Variants in CNTNAP2 observed in about 807,000 individuals in gnomAD.
The protein encoded by CNTNAP2 is contactin associated protein 2.
Under a neutral mutation model 155.2 loss-of-function variants are expected in CNTNAP2, and 98 were observed. That is an observed-to-expected ratio of 0.63 (90% CI 0.54 to 0.75). The LOEUF (loss-of-function observed/expected upper bound fraction) is 0.75. Among genes scored for constraint, CNTNAP2 ranks in the 30% least tolerant of loss-of-function variants. The pLI is 0.00. For synonymous variants in CNTNAP2, 651 were observed against 631.2 expected, an observed-to-expected ratio of 1.03 and a Z score of -0.47; for missense variants, 1,727 against 1,688.1, an observed-to-expected ratio of 1.02 and a Z score of -0.40.
At chr7:147,572,417 T>C (rs2190001) in intron 12 of CNTNAP2, among the ~76,000 whole-genome samples, 68,175 of 151,972 alleles carry the variant, frequency 0.45, 15,489 homozygotes, top group East Asian at 0.61. Flanking sequence ...GCTTTAGGTA[T>C]ATCACAGGTC....
At chr7:147,938,350 G>T (rs1302366492) in intron 14 of CNTNAP2, among the ~76,000 whole-genome samples, 1 of 151,884 alleles carries the variant, frequency 6.6e-6, no homozygotes, top group Non-Finnish European at 1.5e-5. Flanking sequence ...AGGACCAATT[G>T]GATGGATTAT....
intron 16 of CNTNAP2, among the ~76,000 whole-genome samples, chr7:148,138,204 T>A (rs1005430099): frequency 9.2e-5 from 14 of 152,196 alleles, no homozygotes; most frequent in Non-Finnish European, 1.8e-4. Context: ...TCCTCAGAGT[T>A]CATCTTTGGC....
At chr7:147,782,022 A>AT (rs1797669002) in intron 13 of CNTNAP2, among the ~76,000 whole-genome samples, 1 of 49,140 alleles carries the variant, frequency 2.0e-5, no homozygotes, top group South Asian at 7.1e-4. Flanking sequence ...GATTCCGTTT[A>AT]AAAAAAAAAA....
chr7:147,438,139 C>T (rs1797582377), intron 10 of CNTNAP2, among the ~76,000 whole-genome samples: 4 of 152,080 alleles, frequency 2.6e-5, no homozygotes, highest in Admixed American at 2.6e-4. Context: ...CTAGGACTTC[C>T]ATTACTACAT....
chr7:147,886,185 G>A (rs925214469), intron 13 of CNTNAP2, among the ~76,000 whole-genome samples: 8 of 152,042 alleles, frequency 5.3e-5, no homozygotes, highest in Admixed American at 1.3e-4. Context: ...TTAAAGATGC[G>A]GTTCTGGCTG....
chr7:148,030,022 C>A (rs1165742494), intron 15 of CNTNAP2, among the ~76,000 whole-genome samples: 1 of 152,210 alleles, frequency 6.6e-6, no homozygotes, highest in Non-Finnish European at 1.5e-5. Flanking sequence ...AGAGGACAGA[C>A]ACTCAGTGAA....
chr7:148,335,215 G>C (rs1317494701), intron 21 of CNTNAP2, among the ~76,000 whole-genome samples: 1 of 152,174 alleles, frequency 6.6e-6, no homozygotes, highest in Non-Finnish European at 1.5e-5. Flanking sequence ...GCAAAGAGAG[G>C]CCAACCCACT....
intron 1 of CNTNAP2, among the ~76,000 whole-genome samples, chr7:146,296,478 G>T (rs1406709793): frequency 6.6e-6 from 1 of 152,076 alleles, no homozygotes; most frequent in Non-Finnish European, 1.5e-5. Flanking sequence ...CAGACATATG[G>T]TTACAAAAGC....
At chr7:146,210,223 G>A (rs961488903) in intron 1 of CNTNAP2, among the ~76,000 whole-genome samples, 1 of 152,034 alleles carries the variant, frequency 6.6e-6, no homozygotes, top group Non-Finnish European at 1.5e-5. Flanking sequence ...CCTTTGTTTG[G>A]TTACCTAAAC....
chr7:147,802,460 G>C (rs377127034), intron 13 of CNTNAP2, among the ~76,000 whole-genome samples: 15 of 152,116 alleles, frequency 9.9e-5, no homozygotes, highest in Middle Eastern at 3.4e-3. Flanking sequence ...GCCGAGATCA[G>C]GCCACTGCAC....
intron 14 of CNTNAP2, among the ~76,000 whole-genome samples, chr7:147,975,091 G>A (rs1801405659): frequency 6.7e-6 from 1 of 150,208 alleles, no homozygotes; most frequent in Admixed American, 6.6e-5. Flanking sequence ...ACAATTTTTT[G>A]TATTACGTAT....
chr7:146,952,085 G>A (rs1005238226), intron 3 of CNTNAP2, among the ~76,000 whole-genome samples: 36 of 152,044 alleles, frequency 2.4e-4, no homozygotes, highest in Non-Finnish European at 3.8e-4. Flanking sequence ...CCGCCATGAT[G>A]AAGACAGCTT....
chr7:146,551,852 T>C (rs1422357656), intron 1 of CNTNAP2, among the ~76,000 whole-genome samples: 1 of 152,074 alleles, frequency 6.6e-6, no homozygotes, highest in Non-Finnish European at 1.5e-5. Flanking sequence ...TCTCCTTCCA[T>C]TTCTCCCCAC....
intron 11 of CNTNAP2, among the ~76,000 whole-genome samples, chr7:147,500,412 C>T (rs983295261): frequency 1.1e-4 from 17 of 151,970 alleles, no homozygotes; most frequent in African/African-American, 3.9e-4. Flanking sequence ...TCAAATAATA[C>T]TCATTCCTGG....
rs1464814726 is a variant in CNTNAP2, at chr7:147,558,798, G to A, written c.1778-3340G>A. The stretch of plus-strand genomic sequence containing the variant: ...TACTCTGTCACCCAGGCTGGAGTGC[G>A]GTGGCACAATCTTATCTCACTGCAT... On this transcript the variant is annotated intron_variant, in intron 11 of 23. Transcript: ENST00000361727. 4.6e-5 allele frequency among the ~76,000 whole-genome samples: 7 copies of A among 151,234 alleles called. No homozygotes were observed. The East Asian group carries it at 9.8e-4, about 21-fold the overall frequency.
chr7:146,964,815 G>T (rs1428037136), intron 3 of CNTNAP2, among the ~76,000 whole-genome samples: 1 of 152,110 alleles, frequency 6.6e-6, no homozygotes, highest in Admixed American at 6.5e-5. Flanking sequence ...TGGCATGAAA[G>T]CAGCCATGGA....
At chr7:146,329,919 A>T (rs1801154589) in intron 1 of CNTNAP2, among the ~76,000 whole-genome samples, 1 of 148,944 alleles carries the variant, frequency 6.7e-6, no homozygotes, top group South Asian at 2.1e-4. Flanking sequence ...TACCCCCATA[A>T]TTTAGTTTTT....
intron 2 of CNTNAP2, among the ~76,000 whole-genome samples, chr7:146,823,215 A>G (rs1249388698): frequency 2.2e-4 from 32 of 147,120 alleles, no homozygotes; most frequent in African/African-American, 7.6e-4. Flanking sequence ...ATATTTAAAT[A>G]TGAGTATACT....
At chr7:147,366,230 CATT>C in intron 9 of CNTNAP2, among the ~76,000 whole-genome samples, 1 of 152,220 alleles carries the variant, frequency 6.6e-6, no homozygotes, top group Non-Finnish European at 1.5e-5. Context: ...ATAGGATTCT[CATT>C]AGCTTTTTAA....
Sources: allele counts gnomAD v4.1 joint callset (sites outside exome capture counted in the v4.1 genomes callset), GRCh38; gene constraint gnomAD v4.1.1; transcripts MANE v1.5; gene names NCBI Gene and HGNC (gene_info 2026-07-23, HGNC 2026-07-21).